PCDHAC1: variants seen among roughly 807,000 people sequenced by gnomAD.
PCDHAC1 encodes protocadherin alpha-C1.
A neutral mutation model predicts 60.0 loss-of-function variants in PCDHAC1; 42 were observed. The observed-to-expected ratio is 0.70, with a 90% CI of 0.55 to 0.90. PCDHAC1 has a LOEUF of 0.90. Among genes scored for constraint, PCDHAC1 ranks in the 40% least tolerant of loss-of-function variants. The pLI is 0.00. For missense variants in PCDHAC1, 1,160 were observed against 1,222.3 expected (o/e 0.95, Z 0.76); for synonymous variants, 468 against 499.3 (o/e 0.94, Z 0.84).
At chr5:140,986,823 A>G (rs2097214089) in intron 3 of PCDHAC1, among the ~76,000 whole-genome samples, 1 of 152,166 alleles carries the variant, frequency 6.6e-6, no homozygotes, top group Admixed American at 6.5e-5. Context: ...TTTGGTTTAG[A>G]CAATGGTTCT....
chr5:141,009,290 A>G (rs1372878338), intron 3 of PCDHAC1, among the ~76,000 whole-genome samples: 1 of 152,118 alleles, frequency 6.6e-6, no homozygotes, highest in Non-Finnish European at 1.5e-5. Context: ...TCCCATTTCT[A>G]TAAAATTTTT....
In PCDHAC1 at chr5:141,003,833, A is replaced by G. The variant is rs1215772990; in HGVS notation, c.2582-5794A>G. On this transcript the variant is annotated intron_variant, in intron 3 of 3. Transcript: ENST00000253807. ...AGTCTGGGAAGGGCTCTGCCTAACG[A>G]TTCAGACCCCTACCAGATTTATATG... is the stretch of plus-strand genomic sequence containing the variant. 2.6e-5 allele frequency among the ~76,000 whole-genome samples: 4 copies of G among 152,176 alleles called. No individual in the cohort carries two copies. In the East Asian group the frequency reaches 7.7e-4, roughly 29 times the overall value.
chr5:140,941,214 C>CCCTTCTTTCTTTCTTTCTTTCTTT (rs2092871784), intron 1 of PCDHAC1, among the ~76,000 whole-genome samples: 1 of 122,414 alleles, frequency 8.2e-6, no homozygotes, highest in Non-Finnish European at 1.7e-5. Flanking sequence ...TTTCTTTCTT[C>CCCTTCTTTCTTTCTTTCTTTCTTT]CTTTCTTTCT....
At chr5:140,962,817 G>C (rs555403742) in intron 1 of PCDHAC1, among the ~76,000 whole-genome samples, 1 of 152,202 alleles carries the variant, frequency 6.6e-6, no homozygotes, top group Non-Finnish European at 1.5e-5. Flanking sequence ...CATCAGAGAT[G>C]ACCATTTGTC....
intron 1 of PCDHAC1, among the ~76,000 whole-genome samples, chr5:140,954,068 G>A (rs1404063517): frequency 6.6e-6 from 1 of 152,174 alleles, no homozygotes; most frequent in South Asian, 2.1e-4. Context: ...TTATGCTGAG[G>A]ATAATGGCTT....
In PCDHAC1 at chr5:140,928,529, T is replaced by C; in HGVS notation, c.1637T>C (p.Val546Ala). 4.3e-6 allele frequency: 7 copies of C among 1,614,226 alleles called. No individual in the cohort carries two copies. Among genetic ancestry groups the C allele is most frequent in the Non-Finnish European group, 4.2e-6 (5 of 1,180,036 alleles). ...ACAGTGACTATAAACTTGTTTGTGGTAGATAGGAATGACAATTATCCGGTT... is the reference window on the plus strand; with the variant it reads ...ACAGTGACTATAAACTTGTTTGTGGCAGATAGGAATGACAATTATCCGGTT... The part of the protein sequence containing the change: ...SATVTINLFV[V>A]DRNDNYPVIL... The change falls in exon 1 of 4, where the codon GTA becomes GCA. Residue 546 changes from valine to alanine, a missense_variant. Transcript: ENST00000253807.
At chr5:140,997,918 A>G (rs2097790482) in intron 3 of PCDHAC1, among the ~76,000 whole-genome samples, 1 of 152,220 alleles carries the variant, frequency 6.6e-6, no homozygotes, top group South Asian at 2.1e-4. Context: ...TTACAGAATC[A>G]TAGGATATAA....
chr5:141,007,133 G>A (rs1588151080), intron 3 of PCDHAC1, among the ~76,000 whole-genome samples: 1 of 152,128 alleles, frequency 6.6e-6, no homozygotes, highest in South Asian at 2.1e-4. Flanking sequence ...CAGATGAGGA[G>A]ACTGACAAAG....
rs189785800 is a variant in PCDHAC1 at position 141,012,340 on chromosome 5, G to A, written c.*2403G>A. ...TTATTGCTAATAAATGAAAATGGTG[G>A]TATGAAAGAAATGGTGGTCATTTCT... On this transcript the variant is annotated 3_prime_UTR_variant, in exon 4 of 4. Transcript: ENST00000253807. The A allele has an allele frequency of 3.6e-4, 55 of 153,812 alleles. No homozygotes were observed. The East Asian group carries it at 9.6e-3, about 27-fold the overall frequency. 9.5% of individuals were successfully genotyped at this position (153,812 alleles called of 1,614,324 possible).
chr5:141,004,888 G>A lies in PCDHAC1; in HGVS notation c.2582-4739G>A, dbSNP rs555046086. ...TTTCTCATCCCTAAAGTGCTATTGT[G>A]TCAGCTCTGCCAGGGTGTAAGGAAA... On this transcript the variant is annotated intron_variant, in intron 3 of 3. Transcript: ENST00000253807. Among the ~76,000 whole-genome samples the A allele has an allele frequency of 2.0e-5, 3 of 152,250 alleles. No individual in the cohort carries two copies. The East Asian group carries it at 5.8e-4, about 29-fold the overall frequency.
chr5:141,001,286 A>G (rs1375093882), intron 3 of PCDHAC1, among the ~76,000 whole-genome samples: 1 of 152,160 alleles, frequency 6.6e-6, no homozygotes, highest in Non-Finnish European at 1.5e-5. Context: ...TACGGATGAA[A>G]ACTGAGGCCC....
chr5:140,939,673 T>C (rs1235567287), intron 1 of PCDHAC1, among the ~76,000 whole-genome samples: 1 of 152,196 alleles, frequency 6.6e-6, no homozygotes, highest in African/African-American at 2.4e-5. Context: ...CCAACTTGTA[T>C]GTATGTGTGT....
chr5:140,966,968 G>C, intron 1 of PCDHAC1: 2 of 1,602,616 alleles, frequency 1.2e-6, no homozygotes, highest in Non-Finnish European at 1.7e-6. Context: ...GCTGGGGCTT[G>C]AGCTGCGGCG....
chr5:140,980,039 C>T (rs2096874436), intron 2 of PCDHAC1, among the ~76,000 whole-genome samples: 1 of 152,184 alleles, frequency 6.6e-6, no homozygotes, highest in South Asian at 2.1e-4. Context: ...ACATTGGGTG[C>T]TATTTCTGAT....
At chr5:141,005,572 C>G (rs548748234) in intron 3 of PCDHAC1, among the ~76,000 whole-genome samples, 59 of 150,976 alleles carry the variant, frequency 3.9e-4, no homozygotes, top group Non-Finnish European at 7.7e-4. Context: ...CATGGTGGCG[C>G]GTGCCTGTAG....
intron 1 of PCDHAC1, among the ~76,000 whole-genome samples, chr5:140,933,686 C>T (rs186587135): frequency 6.6e-6 from 1 of 151,890 alleles, no homozygotes; most frequent in Non-Finnish European, 1.5e-5. Flanking sequence ...ATTTTTTTTC[C>T]TATTCCTCGG....
At chr5:141,000,415 A>ATT (rs1563651650) in intron 3 of PCDHAC1, among the ~76,000 whole-genome samples, 4 of 87,388 alleles carry the variant, frequency 4.6e-5, no homozygotes, top group African/African-American at 1.5e-4. Flanking sequence ...ATATATATAT[A>ATT]TATATATTTT....
intron 1 of PCDHAC1, among the ~76,000 whole-genome samples, chr5:140,932,637 T>C (rs1554209011): frequency 6.6e-6 from 1 of 151,870 alleles, no homozygotes; most frequent in African/African-American, 2.4e-5. Context: ...TAAAAAACTT[T>C]AGAATGATGA....
intron 1 of PCDHAC1, among the ~76,000 whole-genome samples, chr5:140,937,928 G>T (rs997116789): frequency 4.0e-5 from 6 of 148,604 alleles, no homozygotes; most frequent in Non-Finnish European, 8.9e-5. Context: ...AAAAAAAAAA[G>T]TTTAATTTGA....
Sources: allele counts gnomAD v4.1 joint callset (sites outside exome capture counted in the v4.1 genomes callset), GRCh38; gene constraint gnomAD v4.1.1; transcripts MANE v1.5; gene names NCBI Gene and HGNC (gene_info 2026-07-23, HGNC 2026-07-21).